Variants in SLC28A3 observed in about 807,000 individuals in gnomAD.
SLC28A3 encodes the protein concentrative Na(+)-nucleoside cotransporter 3.
In SLC28A3, 68 loss-of-function variants were observed where a neutral mutation model predicts 84.2. The ratio of observed to expected loss-of-function variants is 0.81; its 90% CI spans 0.66 to 0.99. The LOEUF is 0.99. SLC28A3 is among the 50% of genes least tolerant of loss of function. The pLI is 0.00. For missense variants in SLC28A3, 712 were observed against 841.5 expected, an observed-to-expected ratio of 0.85 and a Z score of 1.90; for synonymous variants, 267 against 303.6, an observed-to-expected ratio of 0.88 and a Z score of 1.25.
At chr9:84,353,671 C>T in the SLC28A3 span, among the ~76,000 whole-genome samples, 1 of 152,152 alleles carries the variant, frequency 6.6e-6, no homozygotes, top group African/African-American at 2.4e-5. Context: ...GACTGAGCCA[C>T]TCTACTCCAG....
chr9:84,335,745 A>G (rs1356722775), intron 1 of SLC28A3, among the ~76,000 whole-genome samples: 2 of 135,044 alleles, frequency 1.5e-5, no homozygotes, highest in Admixed American at 1.4e-4. Flanking sequence ...GTGTGTGTGT[A>G]TAAAATGTCC....
chr9:84,367,911 A>C, the SLC28A3 span, among the ~76,000 whole-genome samples: 1 of 152,164 alleles, frequency 6.6e-6, no homozygotes, highest in Admixed American at 6.5e-5. Context: ...TCGGCTTCAC[A>C]CGGAGACATT....
At chr9:84,349,185 G>A in the SLC28A3 span, among the ~76,000 whole-genome samples, 1 of 152,188 alleles carries the variant, frequency 6.6e-6, no homozygotes, top group African/African-American at 2.4e-5. Context: ...TGTTTTGGGG[G>A]CAGAAACAAA....
chr9:84,313,088 G>T (rs1184764426), intron 2 of SLC28A3, among the ~76,000 whole-genome samples: 1 of 152,188 alleles, frequency 6.6e-6, no homozygotes, highest in Admixed American at 6.5e-5. Context: ...CTAAGCCAAT[G>T]CCTTTTTCCT....
intron 1 of SLC28A3, among the ~76,000 whole-genome samples, chr9:84,326,019 A>G (rs1423671827): frequency 3.3e-5 from 5 of 152,188 alleles, no homozygotes; most frequent in South Asian, 2.1e-4. Flanking sequence ...AGCAGCTATC[A>G]AAGATCCAGA....
chr9:84,324,752 A>G (rs1355609938), intron 1 of SLC28A3, among the ~76,000 whole-genome samples: 1 of 152,186 alleles, frequency 6.6e-6, no homozygotes, highest in Non-Finnish European at 1.5e-5. Flanking sequence ...ATGACCGTAC[A>G]TCTTCATAGG....
At chr9:84,348,610 C>T in the SLC28A3 span, among the ~76,000 whole-genome samples, 5 of 152,088 alleles carry the variant, frequency 3.3e-5, no homozygotes, top group South Asian at 2.1e-4. Flanking sequence ...CCACAAAGTC[C>T]GTATGTTAGA....
At chr9:84,298,394 GGA>G (rs145668013) in intron 6 of SLC28A3, among the ~76,000 whole-genome samples, 12,441 of 152,136 alleles carry the variant, frequency 0.082, 1,658 homozygotes, top group African/African-American at 0.28. Flanking sequence ...GGCTGAGGCA[GGA>G]GAGTCACTTG....
chr9:84,318,937 A>C (rs536910024), intron 1 of SLC28A3, among the ~76,000 whole-genome samples: 2 of 152,320 alleles, frequency 1.3e-5, no homozygotes, highest in South Asian at 4.1e-4. Context: ...TAGAGGAAGA[A>C]GCCATACAAA....
chr9:84,315,266 G>T (rs75637085), intron 1 of SLC28A3, among the ~76,000 whole-genome samples: 1,872 of 152,228 alleles, frequency 0.012, 36 homozygotes, highest in African/African-American at 0.044. Flanking sequence ...TGAATTGGTG[G>T]AGTAACAGAA....
chr9:84,351,501 T>C, the SLC28A3 span, among the ~76,000 whole-genome samples: 1 of 151,536 alleles, frequency 6.6e-6, no homozygotes, highest in Non-Finnish European at 1.5e-5. Context: ...TCTTAAAAAA[T>C]GGAAAAAATT....
At chr9:84,353,090 T>C in the SLC28A3 span, among the ~76,000 whole-genome samples, 135 of 152,204 alleles carry the variant, frequency 8.9e-4, no homozygotes, top group African/African-American at 3.1e-3. Flanking sequence ...ATTATAAAAA[T>C]GCTGAGTAAT....
intron 8 of SLC28A3, among the ~76,000 whole-genome samples, chr9:84,295,886 T>C (rs1199079726): frequency 1.3e-5 from 2 of 152,170 alleles, no homozygotes; most frequent in Non-Finnish European, 2.9e-5. Flanking sequence ...TAATAATATA[T>C]ATTAAAAGAC....
At chr9:84,353,245 T>C in the SLC28A3 span, among the ~76,000 whole-genome samples, 1 of 152,250 alleles carries the variant, frequency 6.6e-6, no homozygotes, top group Non-Finnish European at 1.5e-5. Context: ...AAATCACATC[T>C]TGAGTTTACA....
chr9:84,354,061 G>A, the SLC28A3 span, among the ~76,000 whole-genome samples: 6 of 152,328 alleles, frequency 3.9e-5, no homozygotes, highest in South Asian at 1.2e-3. Context: ...TCAATGCCTG[G>A]CTCTCACCTC....
At chr9:84,317,531 C>T (rs1390483989) in intron 1 of SLC28A3, among the ~76,000 whole-genome samples, 2 of 152,166 alleles carry the variant, frequency 1.3e-5, no homozygotes, top group Non-Finnish European at 1.5e-5. Context: ...TTCAGCCTCT[C>T]CCTGGCACTG....
chr9:84,306,994 CAAAAAAAAAA>C (rs150442323), intron 3 of SLC28A3, among the ~76,000 whole-genome samples: 4 of 25,940 alleles, frequency 1.5e-4, no homozygotes, highest in Non-Finnish European at 2.8e-4. Flanking sequence ...CTTGTCTCTA[CAAAAAAAAAA>C]AAAAAAAAAA....
upstream of SLC28A3, among the ~76,000 whole-genome samples, chr9:84,345,278 C>T (rs1285943120): frequency 6.6e-6 from 1 of 150,662 alleles, no homozygotes; most frequent in Non-Finnish European, 1.5e-5. Flanking sequence ...AAGAGAAGTA[C>T]AGATAAATAG....
At chr9:84,353,722 T>C in the SLC28A3 span, among the ~76,000 whole-genome samples, 40,195 of 151,962 alleles carry the variant, frequency 0.26, 7,074 homozygotes, top group African/African-American at 0.5. Context: ...AAAACAAAAA[T>C]TATAAACAGA....
Sources: gnomAD v4.1 joint callset for allele counts (sites outside exome capture counted in the v4.1 genomes callset) on GRCh38, gnomAD v4.1.1 for gene constraint, MANE v1.5 for transcripts, NCBI Gene and HGNC (gene_info 2026-07-23, HGNC 2026-07-21) for gene names.